Variants in PLEKHA2 observed in about 807,000 individuals in gnomAD.
PLEKHA2 encodes the protein pleckstrin homology domain-containing family A member 2.
PLEKHA2 carries 28 observed loss-of-function variants against 53.2 expected under a neutral mutation model. The ratio of observed to expected loss-of-function variants is 0.53; its 90% CI spans 0.39 to 0.72. The LOEUF is 0.72. Ranked by LOEUF, PLEKHA2 falls within the 30% of genes least tolerant of loss-of-function variation. The pLI is 0.00. For synonymous variants in PLEKHA2, 193 were observed against 196.4 expected (o/e 0.98, Z 0.14); for missense variants, 426 against 537.9 (o/e 0.79, Z 2.06).
intron 5 of PLEKHA2, among the ~76,000 whole-genome samples, chr8:38,950,335 C>G (rs888361007): frequency 6.6e-6 from 1 of 152,104 alleles, no homozygotes; most frequent in Admixed American, 6.6e-5. Flanking sequence ...GACCTGGCCC[C>G]CATCTCCTGC....
At chr8:38,963,363 A>C (rs1157777117) in intron 10 of PLEKHA2, among the ~76,000 whole-genome samples, 1 of 152,184 alleles carries the variant, frequency 6.6e-6, no homozygotes, top group Non-Finnish European at 1.5e-5. Flanking sequence ...TTTTAGTCTC[A>C]TGGTAATTCA....
chr8:38,957,606 C>T (rs1834965846), intron 10 of PLEKHA2, among the ~76,000 whole-genome samples: 1 of 152,218 alleles, frequency 6.6e-6, no homozygotes, highest in Non-Finnish European at 1.5e-5. Flanking sequence ...AGCCGCTCTA[C>T]TGAGGAATGT....
chr8:38,959,762 T>TC (rs1378558605), intron 10 of PLEKHA2, among the ~76,000 whole-genome samples: 2 of 151,984 alleles, frequency 1.3e-5, no homozygotes, highest in Non-Finnish European at 2.9e-5. Flanking sequence ...GACTTGAGAG[T>TC]CAGTCGGATG....
intron 2 of PLEKHA2, among the ~76,000 whole-genome samples, chr8:38,921,971 A>G (rs1389748486): frequency 6.6e-6 from 1 of 152,238 alleles, no homozygotes; most frequent in Non-Finnish European, 1.5e-5. Flanking sequence ...ACTGTGTGCC[A>G]AGCACACTTC....
rs913461212 is a variant in PLEKHA2 at position 38,934,237 on chromosome 8, C to T, written c.142-1757C>T. Among the ~76,000 whole-genome samples the T allele has an allele frequency of 3.3e-5, 5 of 152,116 alleles. No homozygotes were observed. In the East Asian group the frequency reaches 9.6e-4, roughly 29 times the overall value. On this transcript the variant is annotated intron_variant, in intron 2 of 11. Transcript: ENST00000617275. ...GTGGTCCCAGAGTCCTGGTCTCAAG[C>T]AGTCCCAGCCTCCCAAAGTGCTGAG...
At chr8:38,915,646 T>G (rs1834047009) in intron 1 of PLEKHA2, among the ~76,000 whole-genome samples, 2 of 152,192 alleles carry the variant, frequency 1.3e-5, no homozygotes, top group South Asian at 4.1e-4. Flanking sequence ...CTTCAACATA[T>G]GAATTTTGAG....
At chr8:38,929,214 T>A (rs1834344427) in intron 2 of PLEKHA2, among the ~76,000 whole-genome samples, 1 of 152,190 alleles carries the variant, frequency 6.6e-6, no homozygotes, top group South Asian at 2.1e-4. Context: ...TGCTAGCTGC[T>A]TTTTACTGTC....
Position 38,950,969 on chromosome 8 carries a change from G to C in PLEKHA2, c.465G>C (p.Val155=), listed in dbSNP as rs746593277. 11 of 1,613,682 alleles carry C rather than the reference G, an allele frequency of 6.8e-6. No individual in the cohort carries two copies. Among genetic ancestry groups the C allele is most frequent in the Non-Finnish European group, 9.3e-6 (11 of 1,179,840 alleles). ...AYKTEIIGGV[V]VHTPISQNGG... ...AGACGGAGATCATTGGAGGGGTGGT[G>C]GTCCACACACCCATCAGCCAGGTGA... Residue 155 remains valine, a synonymous_variant, in exon 6 of 12, where the codon GTG becomes GTC. Transcript: ENST00000617275.
intron 2 of PLEKHA2, 68 bp from the exon 3 acceptor site, chr8:38,935,926 A>C: frequency 6.7e-7 from 1 of 1,485,590 alleles, no homozygotes; most frequent in Non-Finnish European, 9.4e-7. Flanking sequence ...CAGAGCTAGA[A>C]TCTTGGTCTT....
chr8:38,950,823 A>C, intron 5 of PLEKHA2, 27 bp from the exon 6 acceptor site: 2 of 1,606,224 alleles, frequency 1.2e-6, no homozygotes, highest in Non-Finnish European at 1.7e-6. Context: ...TCTGTTCCCC[A>C]TTGATTGTTG....
intron 1 of PLEKHA2, among the ~76,000 whole-genome samples, chr8:38,911,934 C>T (rs1309075870): frequency 1.3e-5 from 2 of 152,210 alleles, no homozygotes; most frequent in Non-Finnish European, 2.9e-5. Context: ...TACGATTACA[C>T]CACTGCACTC....
At chr8:38,940,678 G>A (rs1353799811) in intron 3 of PLEKHA2, among the ~76,000 whole-genome samples, 1 of 144,526 alleles carries the variant, frequency 6.9e-6, no homozygotes, top group Non-Finnish European at 1.5e-5. Flanking sequence ...AACCCAGGAA[G>A]CAAGATGTCT....
intron 1 of PLEKHA2, among the ~76,000 whole-genome samples, chr8:38,902,596 A>G (rs1244472040): frequency 1.3e-5 from 2 of 152,280 alleles, no homozygotes; most frequent in East Asian, 3.9e-4. Flanking sequence ...CCAAGATTGC[A>G]CTAATGGTGT....
chr8:38,960,643 C>T (rs1472112272), intron 10 of PLEKHA2, among the ~76,000 whole-genome samples: 1 of 152,314 alleles, frequency 6.6e-6, no homozygotes, highest in East Asian at 1.9e-4. Context: ...ACAGGATTCT[C>T]CTATCTGCTT....
chr8:38,913,640 C>T (rs985691514), intron 1 of PLEKHA2, among the ~76,000 whole-genome samples: 1 of 152,182 alleles, frequency 6.6e-6, no homozygotes, highest in African/African-American at 2.4e-5. Context: ...AGCATCCTGA[C>T]CAGGCAGCTC....
At chr8:38,902,220 TGGGGG>T (rs58621785) in intron 1 of PLEKHA2, among the ~76,000 whole-genome samples, 1 of 98,282 alleles carries the variant, frequency 1.0e-5, no homozygotes, top group African/African-American at 4.5e-5. Context: ...AAGAAGGGTG[TGGGGG>T]GGGGTGGTGG....
intron 2 of PLEKHA2, among the ~76,000 whole-genome samples, chr8:38,928,398 G>A (rs984477548): frequency 2.0e-5 from 3 of 151,856 alleles, no homozygotes; most frequent in Non-Finnish European, 2.9e-5. Context: ...AAAGGTGTGC[G>A]CCACCACACC....
intron 1 of PLEKHA2, among the ~76,000 whole-genome samples, chr8:38,908,704 A>G (rs1408143828): frequency 6.6e-6 from 1 of 152,206 alleles, no homozygotes; most frequent in East Asian, 1.9e-4. Context: ...TATTTGGATG[A>G]TTGAGATCAT....
intron 10 of PLEKHA2, among the ~76,000 whole-genome samples, chr8:38,961,593 A>G (rs925757003): frequency 1.3e-5 from 2 of 152,160 alleles, no homozygotes; most frequent in African/African-American, 4.8e-5. Context: ...ATGAAAGAAT[A>G]TGCCTACTGG....
Sources: gnomAD v4.1 joint callset for allele counts (sites outside exome capture counted in the v4.1 genomes callset) on GRCh38, gnomAD v4.1.1 for gene constraint, MANE v1.5 for transcripts, NCBI Gene and HGNC (gene_info 2026-07-23, HGNC 2026-07-21) for gene names.